Variants in DNAH17 observed in about 807,000 individuals in gnomAD.
DNAH17 encodes the protein axonemal beta dynein heavy chain 17.
A neutral mutation model predicts 485.6 loss-of-function variants in DNAH17; 376 were observed. The ratio of observed to expected loss-of-function variants is 0.77; its 90% CI spans 0.71 to 0.84. The LOEUF is 0.84. Among genes scored for constraint, DNAH17 ranks in the 40% least tolerant of loss-of-function variants. The pLI, the probability that DNAH17 is intolerant of heterozygous loss-of-function variation, is 0.00. For missense variants in DNAH17, 6,370 were observed against 5,839.3 expected (o/e 1.09, Z -2.96); for synonymous variants, 3,031 against 2,405.9 (o/e 1.26, Z -7.60).
At chr17:78,564,968 G>C (rs533266580) in intron 11 of DNAH17, among the ~76,000 whole-genome samples, 4 of 152,132 alleles carry the variant, frequency 2.6e-5, no homozygotes, top group African/African-American at 9.6e-5. Context: ...TCTTTGCTTA[G>C]CCAAAGATTC....
At chr17:78,554,663 C>G (rs111643185) in intron 14 of DNAH17, among the ~76,000 whole-genome samples, 1 of 152,006 alleles carries the variant, frequency 6.6e-6, no homozygotes, top group Non-Finnish European at 1.5e-5. Context: ...TCTCTAGGAC[C>G]CTTCTACATG....
At chr17:78,483,328 T>C (rs1015633570) in intron 48 of DNAH17, among the ~76,000 whole-genome samples, 2 of 152,220 alleles carry the variant, frequency 1.3e-5, no homozygotes, top group African/African-American at 4.8e-5. Flanking sequence ...CAGACATATC[T>C]GAACTCAAAA....
chr17:78,560,722 C>T lies in DNAH17; in HGVS notation c.2031+18G>A. 1 of 1,538,152 alleles carries T rather than the reference C, an allele frequency of 6.5e-7. No individual in the cohort carries two copies. On this transcript the variant is annotated intron_variant, in intron 13 of 80. Coordinates refer to ENST00000389840, the MANE Select transcript of DNAH17 (RefSeq NM_173628.4). Reference sequence around the variant, plus strand: ...CTCCCAAGGAGCCTTTGACGCGGTCCCCACTCCTGGCACCCACCGCTTTGC... The same window carrying T: ...CTCCCAAGGAGCCTTTGACGCGGTCTCCACTCCTGGCACCCACCGCTTTGC...
intron 3 of DNAH17, among the ~76,000 whole-genome samples, chr17:78,572,447 C>CG (rs1182651837): frequency 2.0e-5 from 3 of 152,212 alleles, no homozygotes; most frequent in Non-Finnish European, 2.9e-5. Context: ...TGTGACCCAG[C>CG]GGGGGGTGTG....
intron 44 of DNAH17, among the ~76,000 whole-genome samples, chr17:78,489,095 C>T (rs1178548336): frequency 6.6e-6 from 1 of 152,112 alleles, no homozygotes; most frequent in Non-Finnish European, 1.5e-5. Context: ...GAAGCCGGCA[C>T]AGAGGCACCC....
chr17:78,426,090 A>G (rs2086445075), intron 79 of DNAH17, among the ~76,000 whole-genome samples: 1 of 152,184 alleles, frequency 6.6e-6, no homozygotes, highest in East Asian at 1.9e-4. Flanking sequence ...AAACAAGGGA[A>G]CAGGTAGAGA....
Position 78,468,845 on chromosome 17 carries a change from C to A in DNAH17, c.8550G>T (p.Lys2850Asn). ...LAAQYIKAAV[K>N]NVPSVFLMTD... ...TCATCAGGAACACCGAGGGAACGTTCTTCACGGCAGCCTTTATGTACTGAG... is the reference window on the plus strand; with the variant it reads ...TCATCAGGAACACCGAGGGAACGTTATTCACGGCAGCCTTTATGTACTGAG... Residue 2850 changes from lysine to asparagine, a missense_variant, in exon 55 of 81, where the codon AAG becomes AAT. Transcript: ENST00000389840. 1 of 1,613,960 alleles carries A rather than the reference C, an allele frequency of 6.2e-7. No homozygotes were observed. The highest frequency in any genetic ancestry group is 1.1e-5 in the South Asian group (1 of 91,072).
chr17:78,575,840 T>G (rs2092426273), intron 1 of DNAH17, among the ~76,000 whole-genome samples: 1 of 152,212 alleles, frequency 6.6e-6, no homozygotes, highest in African/African-American at 2.4e-5. Context: ...AGAAAAGGCA[T>G]GTCAATATTT....
chr17:78,478,127 C>T (rs541230968), intron 51 of DNAH17, among the ~76,000 whole-genome samples: 3 of 150,270 alleles, frequency 2.0e-5, no homozygotes, highest in Non-Finnish European at 4.4e-5. Context: ...ATCACCACCA[C>T]GTGGCATCAT....
At chr17:78,504,976 G>T (rs2090440201) in intron 31 of DNAH17, among the ~76,000 whole-genome samples, 1 of 132,686 alleles carries the variant, frequency 7.5e-6, no homozygotes, top group Admixed American at 9.2e-5. Flanking sequence ...CGCGATCTTG[G>T]CTCACGGCAA....
chr17:78,572,962 G>C, intron 2 of DNAH17, 68 bp from the exon 3 acceptor site: 2 of 1,425,152 alleles, frequency 1.4e-6, no homozygotes, highest in Non-Finnish European at 1.9e-6. Context: ...CACAGAGCCA[G>C]GTCCCCGGGG....
At chr17:78,535,513 T>TA (rs2091351192) in intron 19 of DNAH17, among the ~76,000 whole-genome samples, 1 of 152,084 alleles carries the variant, frequency 6.6e-6, no homozygotes, top group South Asian at 2.1e-4. Context: ...CACGGGCACA[T>TA]ATGCATCCAA....
intron 71 of DNAH17, among the ~76,000 whole-genome samples, chr17:78,442,446 A>T (rs572957030): frequency 6.6e-6 from 1 of 152,180 alleles, no homozygotes; most frequent in Admixed American, 6.5e-5. Context: ...AAGGCCCCCA[A>T]TTCTTTTTGG....
At chr17:78,529,391 G>C (rs1177490506) in intron 22 of DNAH17, 81 bp downstream of exon 22, 2 of 1,362,022 alleles carry the variant, frequency 1.5e-6, no homozygotes, top group Admixed American at 3.4e-5. Context: ...CCATGGTTGC[G>C]TTTGATGGGC....
rs766099347 is a variant in DNAH17, at chr17:78,558,122, C to G, written c.2164G>C (p.Gly722Arg). The G allele has an allele frequency of 2.3e-5, 37 of 1,613,326 alleles. No homozygotes were observed. In the Middle Eastern group the frequency reaches 1.2e-3, roughly 50 times the overall value. ...CACCAACTCACCTCATTATACCAGC[C>G]AACGATGAGCTCCAGGTTGCCCACA... is the stretch of plus-strand genomic sequence containing the variant. Reference protein sequence around the residue: ...KFVGNLELIVGWYNEIKTIVK... With the variant: ...KFVGNLELIVRWYNEIKTIVK... The change falls in exon 14 of 81, where the codon GGC becomes CGC. Residue 722 changes from glycine (G) to arginine (R), a missense_variant. Gly to Arg is a moderately radical substitution (Grantham distance 125). Transcript: ENST00000389840.
intron 6 of DNAH17, among the ~76,000 whole-genome samples, 176 bp downstream of exon 6, chr17:78,570,772 C>G (rs2092340680): frequency 6.8e-6 from 1 of 148,062 alleles, no homozygotes; most frequent in African/African-American, 2.5e-5. Context: ...GCAGGAGAAT[C>G]CCTTGAACCA....
chr17:78,536,401 G>C (rs929221715), intron 19 of DNAH17, among the ~76,000 whole-genome samples: 1 of 152,182 alleles, frequency 6.6e-6, no homozygotes, highest in Non-Finnish European at 1.5e-5. Flanking sequence ...AGTCAGCTGA[G>C]ATTATGCTAC....
rs752292972 is a variant in DNAH17 at position 78,434,212 on chromosome 17, C to T, written c.12042G>A (p.Leu4014=). 19 of 1,606,682 alleles carry T rather than the reference C, an allele frequency of 1.2e-5. No homozygotes were observed. The South Asian group carries it at 1.7e-4, about 14-fold the overall frequency. The change falls in exon 75 of 81, where the codon CTG becomes CTA. Residue 4014 remains leucine (L), a synonymous_variant. Transcript: ENST00000389840. ...KALDLFTQDT[L]EMCTKEMEFK... ...ACTCCATCTCCTTGGTGCACATCTCCAGGGTGTCCTGTGGGGCACACGCTC... is the reference window on the plus strand; with the variant it reads ...ACTCCATCTCCTTGGTGCACATCTCTAGGGTGTCCTGTGGGGCACACGCTC...
chr17:78,474,857 G>A (rs1243222247), intron 54 of DNAH17, among the ~76,000 whole-genome samples: 2 of 148,462 alleles, frequency 1.3e-5, no homozygotes, highest in African/African-American at 2.5e-5. Flanking sequence ...TCAGTCATGC[G>A]GGCCGGAAGA....
Sources: gnomAD v4.1 joint callset for allele counts (sites outside exome capture counted in the v4.1 genomes callset) on GRCh38, gnomAD v4.1.1 for gene constraint, MANE v1.5 for transcripts, NCBI Gene and HGNC (gene_info 2026-07-23, HGNC 2026-07-21) for gene names.